ZFR: variants seen among roughly 807,000 people sequenced by gnomAD.
The protein encoded by ZFR is zinc finger RNA-binding protein.
Under a neutral mutation model 130.7 loss-of-function variants are expected in ZFR, and 19 were observed. The observed-to-expected ratio is 0.15, with a 90% CI of 0.10 to 0.21. ZFR has a LOEUF of 0.21. Among genes scored for constraint, ZFR ranks in the 10% least tolerant of loss-of-function variants. The pLI, the probability that ZFR is intolerant of heterozygous loss-of-function variation, is 1.00. For missense variants in ZFR, 872 were observed against 1,321.5 expected, an observed-to-expected ratio of 0.66 and a Z score of 5.27; for synonymous variants, 466 against 456.9, an observed-to-expected ratio of 1.02 and a Z score of -0.25.
chr5:32,383,711 T>C, intron 15 of ZFR: 1 of 455,964 alleles, frequency 2.2e-6, no homozygotes, highest in Non-Finnish European at 4.4e-6. Context: ...AGGCTTTAAA[T>C]GATTTTAAGA....
chr5:32,425,309 G>A (rs916208070), intron 2 of ZFR, among the ~76,000 whole-genome samples: 6 of 152,176 alleles, frequency 3.9e-5, no homozygotes, highest in African/African-American at 1.4e-4. Flanking sequence ...GTCCACACAA[G>A]GTTGTTCTCT....
chr5:32,405,859 T>C (rs1301181239), intron 6 of ZFR, among the ~76,000 whole-genome samples: 2 of 152,228 alleles, frequency 1.3e-5, no homozygotes, highest in African/African-American at 4.8e-5. Flanking sequence ...AAATGTTCTG[T>C]AATTTGGTAT....
At chr5:32,410,755 A>T (rs1753689616) in intron 5 of ZFR, among the ~76,000 whole-genome samples, 1 of 152,220 alleles carries the variant, frequency 6.6e-6, no homozygotes, top group South Asian at 2.1e-4. Context: ...AATACTCTAG[A>T]ACTCATTTTA....
chr5:32,421,489 T>G (rs1581710160), intron 2 of ZFR, among the ~76,000 whole-genome samples: 1 of 152,132 alleles, frequency 6.6e-6, no homozygotes, highest in Admixed American at 6.5e-5. Context: ...AACTAGGAAG[T>G]TCATATTAGA....
At chr5:32,382,053 GCA>G (rs1249168367) in intron 15 of ZFR, among the ~76,000 whole-genome samples, 2 of 152,192 alleles carry the variant, frequency 1.3e-5, no homozygotes, top group African/African-American at 4.8e-5. Flanking sequence ...TGTAATCCTA[GCA>G]CTTTGGGAGG....
At chr5:32,367,399 C>T (rs1208283892) in intron 17 of ZFR, among the ~76,000 whole-genome samples, 1 of 151,962 alleles carries the variant, frequency 6.6e-6, no homozygotes, top group Non-Finnish European at 1.5e-5. Context: ...CACGCCACTG[C>T]ACTCCAGCCT....
intron 19 of ZFR, 73 bp from the exon 20 acceptor site, chr5:32,356,012 C>T: frequency 8.3e-7 from 1 of 1,210,562 alleles, no homozygotes; most frequent in South Asian, 2.0e-5. Context: ...CATTTACCTC[C>T]CTCCAAATGC....
At chr5:32,385,361 A>G in intron 15 of ZFR, 147 bp downstream of exon 15, 2 of 836,340 alleles carry the variant, frequency 2.4e-6, no homozygotes, top group Non-Finnish European at 3.6e-6. Context: ...AAATTATCTT[A>G]GGCAAAACCG....
intron 17 of ZFR, among the ~76,000 whole-genome samples, chr5:32,377,885 T>G (rs1752859901): frequency 6.6e-6 from 1 of 151,890 alleles, no homozygotes; most frequent in African/African-American, 2.4e-5. Flanking sequence ...AGAGACGAGG[T>G]TTCACTATGT....
rs1159389782 is a variant in ZFR, at chr5:32,403,220, C to A, written c.1402G>T (p.Gly468Cys). ...GACGAGTTTCCTGTAGTCGTAAGAC[C>A]CTTCATTGAAGACGTTGCAACTGAT... ...TSSVATSSMK[G>C]LTTTGNSSLN... The change falls in exon 8 of 20, where the codon GGT becomes TGT. Residue 468 changes from glycine to cysteine, a missense_variant. Physicochemically the swap from Gly to Cys is radical, Grantham distance 159. This residue lies in a region of ZFR where 143 missense variants were observed against 137.9 expected (regional missense o/e 1.04). Coordinates refer to ENST00000265069, the MANE Select transcript of ZFR (RefSeq NM_016107.5). 6.2e-7 allele frequency: 1 copy of A among 1,614,044 alleles called. No homozygotes were observed. The highest frequency in any genetic ancestry group is 1.3e-5 in the African/African-American group (1 of 74,922).
Position 32,379,137 on chromosome 5 carries a change from G to T in ZFR, c.2813C>A (p.Thr938Asn). 6.2e-7 allele frequency: 1 copy of T among 1,613,804 alleles called. No individual in the cohort carries two copies. Among genetic ancestry groups the T allele is most frequent in the Non-Finnish European group, 8.5e-7 (1 of 1,179,918 alleles). Residue 938 changes from threonine (T) to asparagine (N), a missense_variant, in exon 17 of 20, where the codon ACT (threonine) becomes AAT (asparagine). Physicochemically the swap from Thr to Asn is moderately conservative, Grantham distance 65. Coordinates refer to ENST00000265069, the MANE Select transcript of ZFR (RefSeq NM_016107.5). ...ILRDLCQRVP[T>N]WSDFPSWAME... ...TACCCAGCTTGGAAAATCAGACCAA[G>T]TTGGAACTCGCTGACAGAGGTCTCG...
chr5:32,399,721 A>G (rs559527115), intron 9 of ZFR, among the ~76,000 whole-genome samples: 12 of 152,310 alleles, frequency 7.9e-5, no homozygotes, highest in African/African-American at 2.9e-4. Context: ...TAGTTGAAGG[A>G]TGTATTACAA....
At chr5:32,389,248 C>A (rs1460769565) in intron 12 of ZFR, among the ~76,000 whole-genome samples, 3 of 152,110 alleles carry the variant, frequency 2.0e-5, no homozygotes, top group Non-Finnish European at 4.4e-5. Context: ...TTATCTTTCA[C>A]TCAATTTAGA....
intron 2 of ZFR, among the ~76,000 whole-genome samples, chr5:32,432,460 A>G (rs1033698751): frequency 6.6e-6 from 1 of 152,020 alleles, no homozygotes; most frequent in Non-Finnish European, 1.5e-5. Context: ...CATTTTTGGT[A>G]AAGTTTCTAT....
intron 2 of ZFR, among the ~76,000 whole-genome samples, chr5:32,420,904 AT>A (rs1279267554): frequency 6.6e-6 from 1 of 152,238 alleles, no homozygotes; most frequent in Non-Finnish European, 1.5e-5. Flanking sequence ...TACAGGGAGC[AT>A]TTCATTATAC....
chr5:32,391,344 G>A (rs531426029), intron 11 of ZFR, among the ~76,000 whole-genome samples: 3 of 152,242 alleles, frequency 2.0e-5, no homozygotes, highest in East Asian at 3.9e-4. Flanking sequence ...CCTTGGACAA[G>A]GAGGGACTAC....
chr5:32,385,863 T>C (rs1194206846), intron 14 of ZFR, among the ~76,000 whole-genome samples: 1 of 152,118 alleles, frequency 6.6e-6, no homozygotes, highest in Admixed American at 6.5e-5. Context: ...ATATTTACCA[T>C]TGTTTGTATT....
intron 11 of ZFR, among the ~76,000 whole-genome samples, chr5:32,392,591 A>G (rs2111742723): frequency 6.6e-6 from 1 of 152,358 alleles, no homozygotes; most frequent in Middle Eastern, 3.4e-3. Flanking sequence ...TGGCTATCAC[A>G]TTTAATTGGT....
intron 17 of ZFR, among the ~76,000 whole-genome samples, chr5:32,369,786 C>T (rs927661398): frequency 5.9e-5 from 9 of 151,930 alleles, no homozygotes; most frequent in African/African-American, 1.9e-4. Context: ...CACTCCAGCC[C>T]GAGTGACAGA....
Sources: allele counts gnomAD v4.1 joint callset (sites outside exome capture counted in the v4.1 genomes callset), GRCh38; gene constraint gnomAD v4.1.1; regional missense constraint gnomAD v4.1.1; transcripts MANE v1.5; gene names NCBI Gene and HGNC (gene_info 2026-07-23, HGNC 2026-07-21).